Variants in DLC1 observed in about 807,000 individuals in gnomAD.
The protein encoded by DLC1 is DLC1 Rho GTPase activating protein, also known as rho GTPase-activating protein 7.
In DLC1, 54 loss-of-function variants were observed where a neutral mutation model predicts 140.3. The observed-to-expected ratio is 0.38, with a 90% CI of 0.31 to 0.48. The LOEUF is 0.48. Among genes scored for constraint, DLC1 ranks in the 20% least tolerant of loss-of-function variants. DLC1 has a pLI of 0.96. For synonymous variants in DLC1, 986 were observed against 728.1 expected (o/e 1.35, Z -5.70); for missense variants, 2,536 against 1,907.0 (o/e 1.33, Z -6.14).
chr8:13,100,466 A>G lies in DLC1; in HGVS notation c.1871T>C (p.Val624Ala). ...ATPRTNSVISVCSSSNLAGND... is the reference protein window; with the variant it reads ...ATPRTNSVISACSSSNLAGND... ...GCCTGCCAAGTTGCTGGAGGAGCAAACGCTGATGACGGAGTTAGTCCGGGG... is the reference window on the plus strand; with the variant it reads ...GCCTGCCAAGTTGCTGGAGGAGCAAGCGCTGATGACGGAGTTAGTCCGGGG... The change falls in exon 9 of 18, where the codon GTT (valine) becomes GCT (alanine). Residue 624 changes from valine (V) to alanine (A), a missense_variant. Coordinates refer to ENST00000276297, the MANE Select transcript of DLC1 (RefSeq NM_182643.3). 1 of 1,613,364 alleles carries G rather than the reference A, an allele frequency of 6.2e-7. No homozygotes were observed. Among genetic ancestry groups the G allele is most frequent in the Non-Finnish European group, 8.5e-7 (1 of 1,179,980 alleles).
chr8:13,498,839 C>T (rs1309278687), intron 2 of DLC1: 5 of 535,214 alleles, frequency 9.3e-6, no homozygotes, highest in Non-Finnish European at 1.6e-5. Flanking sequence ...AACCATTATA[C>T]ACATTATTAG....
chr8:13,115,550 T>C lies in DLC1; in HGVS notation c.1420+36A>G, dbSNP rs953558991. ...ATACTCGCGAACAAGGGATTATGAT[T>C]ATGCCAACTTTTAAAAAGTGGCATT... is the stretch of plus-strand genomic sequence containing the variant. On this transcript the variant is annotated intron_variant, in intron 6 of 17. Coordinates refer to ENST00000276297, the MANE Select transcript of DLC1 (RefSeq NM_182643.3). The C allele has an allele frequency of 1.9e-6, 3 of 1,587,266 alleles. No individual in the cohort carries two copies. In the East Asian group the frequency reaches 6.7e-5, roughly 36 times the overall value.
intron 1 of DLC1, among the ~76,000 whole-genome samples, chr8:13,562,860 G>T (rs550510863): frequency 6.6e-6 from 1 of 151,440 alleles, no homozygotes; most frequent in East Asian, 1.9e-4. Flanking sequence ...TGAGAATGAT[G>T]TCTATATGCT....
At position 13,196,551 on chromosome 8, in the gene DLC1, C is replaced by T. The variant is rs1005947317; in HGVS notation, c.1349-80894G>A. On this transcript the variant is annotated intron_variant, in intron 5 of 17. Coordinates refer to ENST00000276297, the MANE Select transcript of DLC1 (RefSeq NM_182643.3). Reference sequence around the variant, plus strand: ...ACCATGAATTATGTTTATGCTTCCTCTAATTCTGTGATTCTGTGGTTCTAT... The same window carrying T: ...ACCATGAATTATGTTTATGCTTCCTTTAATTCTGTGATTCTGTGGTTCTAT... 2.6e-5 allele frequency among the ~76,000 whole-genome samples: 4 copies of T among 152,148 alleles called. No homozygotes were observed. The South Asian group carries it at 8.3e-4, about 32-fold the overall frequency.
At chr8:13,550,566 A>C (rs1803811416) in intron 1 of DLC1, among the ~76,000 whole-genome samples, 1 of 152,172 alleles carries the variant, frequency 6.6e-6, no homozygotes, top group Non-Finnish European at 1.5e-5. Context: ...ATACGGAGGC[A>C]TATGGTTTTC....
At chr8:13,201,926 T>G (rs1169109356) in intron 5 of DLC1, among the ~76,000 whole-genome samples, 1 of 82,542 alleles carries the variant, frequency 1.2e-5, no homozygotes, top group Non-Finnish European at 2.1e-5. Flanking sequence ...AAAAGGTTTT[T>G]TTTTTTTTTT....
At chr8:13,518,342 C>G (rs1802656673), upstream of DLC1, among the ~76,000 whole-genome samples, 1 of 152,160 alleles carries the variant, frequency 6.6e-6, no homozygotes, top group Non-Finnish European at 1.5e-5. Context: ...CTCCTGACCT[C>G]AAGTGATCTG....
rs1367208079 is a variant in DLC1 at position 13,305,294 on chromosome 8, T to G, written c.1323A>C (p.Gln441His). The G allele has an allele frequency of 1.2e-6, 2 of 1,601,390 alleles. No individual in the cohort carries two copies. The highest frequency in any genetic ancestry group is 1.3e-5 in the African/African-American group (1 of 74,346). ...CAGCCTTTTCCTTCTCTGAAATACC[T>G]TGAATAGCCTGAAAAAAAAGACACA... Reference protein sequence around the residue: ...SGTKPKTTAIQGISEKEKAEI... With the variant: ...SGTKPKTTAIHGISEKEKAEI... The change falls in exon 5 of 18, where the codon CAA (glutamine) becomes CAC (histidine). Residue 441 changes from glutamine to histidine, a missense_variant. Physicochemically the swap from Gln to His is conservative, Grantham distance 24 (BLOSUM62 0). Coordinates refer to ENST00000276297, the MANE Select transcript of DLC1 (RefSeq NM_182643.3).
chr8:13,357,043 C>T (rs921279006), intron 4 of DLC1, among the ~76,000 whole-genome samples: 6 of 151,602 alleles, frequency 4.0e-5, no homozygotes, highest in Non-Finnish European at 8.8e-5. Context: ...CTGAGGCAGG[C>T]GGATCACTTG....
At chr8:13,267,701 G>T (rs758931571) in intron 5 of DLC1, among the ~76,000 whole-genome samples, 1 of 149,012 alleles carries the variant, frequency 6.7e-6, no homozygotes, top group Non-Finnish European at 1.5e-5. Flanking sequence ...ATAAAGAAAA[G>T]TTCTTTGAAG....
At chr8:13,227,329 C>G (rs1828840739) in intron 5 of DLC1, among the ~76,000 whole-genome samples, 1 of 152,082 alleles carries the variant, frequency 6.6e-6, no homozygotes, top group Non-Finnish European at 1.5e-5. Context: ...TGTTTTATGT[C>G]TCGTACTTTA....
At chr8:13,473,882 G>A (rs1800319848) in intron 2 of DLC1, among the ~76,000 whole-genome samples, 1 of 152,148 alleles carries the variant, frequency 6.6e-6, no homozygotes, top group Non-Finnish European at 1.5e-5. Context: ...GCTGTTAAAG[G>A]CATTCAGTTT....
intron 7 of DLC1, 50 bp from the exon 8 acceptor site, chr8:13,102,903 T>C: frequency 3.4e-6 from 5 of 1,479,680 alleles, no homozygotes; most frequent in Non-Finnish European, 4.7e-6. Flanking sequence ...CACTCTCTAA[T>C]GAGTGGATAA....
At chr8:13,406,479 C>T (rs921907129) in intron 2 of DLC1, among the ~76,000 whole-genome samples, 4 of 152,142 alleles carry the variant, frequency 2.6e-5, no homozygotes, top group African/African-American at 9.7e-5. Context: ...TCTAACTTCT[C>T]AGCTTGTCCC....
At chr8:13,390,813 G>A (rs939568418) in intron 4 of DLC1, among the ~76,000 whole-genome samples, 4 of 151,802 alleles carry the variant, frequency 2.6e-5, no homozygotes, top group African/African-American at 9.7e-5. Context: ...CAGTGAAACC[G>A]TCTCTCTACT....
intron 5 of DLC1, among the ~76,000 whole-genome samples, chr8:13,172,848 A>G (rs1242073244): frequency 6.6e-6 from 1 of 152,166 alleles, no homozygotes; most frequent in East Asian, 1.9e-4. Flanking sequence ...ATCAAATCCT[A>G]GCTTACTCTC....
chr8:13,483,202 T>C (rs1800816897), intron 2 of DLC1, among the ~76,000 whole-genome samples: 1 of 152,220 alleles, frequency 6.6e-6, no homozygotes, highest in African/African-American at 2.4e-5. Context: ...TTCTGTCTCT[T>C]GTAAGGACGC....
At position 13,567,023 on chromosome 8, in the gene DLC1, A is replaced by G; in HGVS notation, c.-126+37514T>C. 5 of 1,551,136 alleles carry G rather than the reference A, an allele frequency of 3.2e-6. No individual in the cohort carries two copies. The South Asian group carries it at 6.0e-5, about 18-fold the overall frequency. On this transcript the variant is annotated intron_variant, in intron 1 of 1. Coordinates refer to the DLC1 transcript ENST00000631382. ...ATCTGCCCAGAATTGGCCCAAACGG[A>G]CAAAAGTGCTCTTGCAAACCTTTCT...
At chr8:13,360,975 G>A (rs1007228719) in intron 4 of DLC1, among the ~76,000 whole-genome samples, 11 of 151,778 alleles carry the variant, frequency 7.2e-5, no homozygotes, top group Non-Finnish European at 1.2e-4. Flanking sequence ...TCATGCCTGC[G>A]ATCTCAATAC....
Sources: gnomAD v4.1 joint callset for allele counts (sites outside exome capture counted in the v4.1 genomes callset) on GRCh38, gnomAD v4.1.1 for gene constraint, MANE v1.5 for transcripts, NCBI Gene and HGNC (gene_info 2026-07-23, HGNC 2026-07-21) for gene names.